The following WWOX variants were observed in gnomAD, a reference collection of about 807,000 sequenced individuals.
WWOX encodes WW domain-containing oxidoreductase.
WWOX carries 69 observed loss-of-function variants against 46.2 expected under a neutral mutation model. The observed-to-expected ratio is 1.49, with a 90% confidence interval of 1.23 to 1.82. The LOEUF is 1.82. Among genes scored for constraint, WWOX ranks in the 40% most tolerant of loss-of-function variants. The probability of loss-of-function intolerance (pLI) is 0.00; values close to 1 mark genes in which losing one functional copy is unlikely to be tolerated. For missense variants in WWOX, 919 were observed against 542.6 expected (o/e 1.69, Z -6.89); for synonymous variants, 359 against 202.6 (o/e 1.77, Z -6.56).
At chr16:78,722,627 A>C (rs1181260540) in intron 8 of WWOX, among the ~76,000 whole-genome samples, 2 of 151,750 alleles carry the variant, frequency 1.3e-5, no homozygotes, top group African/African-American at 4.8e-5. Flanking sequence ...GGTAGGTATA[A>C]TGGAAAGACT....
At chr16:78,817,159 C>T (rs74031956) in intron 8 of WWOX, among the ~76,000 whole-genome samples, 21,053 of 121,922 alleles carry the variant, frequency 0.17, 1,737 homozygotes, top group Non-Finnish European at 0.2. Flanking sequence ...TTTTCTTAAA[C>T]ATTAGTGCTA....
At chr16:79,092,230 C>T (rs926228167) in intron 8 of WWOX, among the ~76,000 whole-genome samples, 2 of 152,148 alleles carry the variant, frequency 1.3e-5, no homozygotes, top group South Asian at 2.1e-4. Flanking sequence ...GGATTCATTA[C>T]ATGTGTGTTT....
chr16:78,818,788 G>C (rs935659140), intron 8 of WWOX, among the ~76,000 whole-genome samples: 1 of 152,202 alleles, frequency 6.6e-6, no homozygotes, highest in African/African-American at 2.4e-5. Context: ...CGTCTTTTCT[G>C]AATTGGAGCC....
At chr16:78,129,344 A>G (rs1334295891) in intron 4 of WWOX, among the ~76,000 whole-genome samples, 1 of 152,156 alleles carries the variant, frequency 6.6e-6, no homozygotes, top group Non-Finnish European at 1.5e-5. Context: ...AGGTGTATTA[A>G]TGTCCTGTTG....
At chr16:78,210,380 A>G (rs2036522248) in intron 5 of WWOX, among the ~76,000 whole-genome samples, 1 of 152,192 alleles carries the variant, frequency 6.6e-6, no homozygotes, top group Admixed American at 6.5e-5. Flanking sequence ...GCTTTGGAGA[A>G]TGCAAACAGG....
chr16:78,515,993 C>T (rs2043227330), intron 8 of WWOX, among the ~76,000 whole-genome samples: 1 of 152,044 alleles, frequency 6.6e-6, no homozygotes, highest in African/African-American at 2.4e-5. Flanking sequence ...CCCCCCTTGT[C>T]CCCCTTTTCT....
chr16:78,488,818 G>A (rs76929363), intron 8 of WWOX, among the ~76,000 whole-genome samples: 1 of 152,192 alleles, frequency 6.6e-6, no homozygotes, highest in Non-Finnish European at 1.5e-5. Context: ...CATTATGGCA[G>A]ATCAGTGGGA....
chr16:79,024,626 G>A (rs1298146488), intron 8 of WWOX, among the ~76,000 whole-genome samples: 2 of 151,962 alleles, frequency 1.3e-5, no homozygotes, highest in Non-Finnish European at 2.9e-5. Context: ...TAGTAGAGAC[G>A]GGGTTTCACC....
At chr16:78,481,168 G>C (rs1156664784) in intron 8 of WWOX, among the ~76,000 whole-genome samples, 1 of 152,194 alleles carries the variant, frequency 6.6e-6, no homozygotes, top group Non-Finnish European at 1.5e-5. Context: ...CTAATAGAAT[G>C]ATCCAAGTTT....
intron 8 of WWOX, among the ~76,000 whole-genome samples, chr16:78,694,766 C>T (rs901423924): frequency 1.3e-5 from 2 of 152,124 alleles, no homozygotes; most frequent in African/African-American, 2.4e-5. Flanking sequence ...TCAACTATTA[C>T]AGCTTTTTGA....
intron 8 of WWOX, among the ~76,000 whole-genome samples, chr16:78,994,093 A>G (rs965991791): frequency 1.3e-5 from 2 of 152,150 alleles, no homozygotes; most frequent in South Asian, 2.1e-4. Flanking sequence ...TTTGCTTATT[A>G]TGATCAAGAA....
At chr16:79,050,256 G>C (rs1020729435) in intron 8 of WWOX, among the ~76,000 whole-genome samples, 1 of 152,160 alleles carries the variant, frequency 6.6e-6, no homozygotes, top group Non-Finnish European at 1.5e-5. Context: ...CTGTGGGTCA[G>C]CTTGTTTTGC....
intron 8 of WWOX, among the ~76,000 whole-genome samples, chr16:78,783,065 G>A (rs1018147359): frequency 2.0e-5 from 3 of 152,300 alleles, no homozygotes; most frequent in Non-Finnish European, 4.4e-5. Flanking sequence ...AATATGGAAA[G>A]CATCAGCAAT....
At chr16:78,153,195 G>C (rs943388079) in intron 4 of WWOX, among the ~76,000 whole-genome samples, 1 of 152,194 alleles carries the variant, frequency 6.6e-6, no homozygotes, top group Non-Finnish European at 1.5e-5. Flanking sequence ...TACAGAAACA[G>C]AGGTATGGAT....
rs75077058 is a variant in WWOX, at chr16:79,114,765, T to A, written c.1057-96843T>A. 8.1e-3 allele frequency among the ~76,000 whole-genome samples: 1,232 copies of A among 152,264 alleles called. 14 individuals are homozygous for A. Among genetic ancestry groups the A allele is most frequent in the African/African-American group, 0.028 (1,150 of 41,548 alleles). ...CAAGGGGAGCTAAAGATATACCCTT[T>A]AGCCAAGTAAACCAGCTGCCCCGAG... On this transcript the variant is annotated intron_variant, in intron 8 of 8. Transcript: ENST00000566780.
chr16:78,451,069 GT>G (rs1309248122), intron 8 of WWOX, among the ~76,000 whole-genome samples: 2 of 152,152 alleles, frequency 1.3e-5, no homozygotes, highest in Admixed American at 1.3e-4. Context: ...ACTTAAGCTT[GT>G]TTATTGCATC....
intron 8 of WWOX, among the ~76,000 whole-genome samples, chr16:78,488,869 G>T (rs974665889): frequency 3.3e-5 from 5 of 152,146 alleles, no homozygotes; most frequent in African/African-American, 1.2e-4. Context: ...GTTTCTCAGA[G>T]TAGGCTTTCA....
intron 8 of WWOX, among the ~76,000 whole-genome samples, chr16:78,710,368 G>T (rs560667955): frequency 1.3e-5 from 2 of 150,168 alleles, no homozygotes; most frequent in African/African-American, 2.5e-5. Flanking sequence ...TTCCCAGTGC[G>T]CACTAACCCT....
intron 8 of WWOX, among the ~76,000 whole-genome samples, chr16:79,086,213 C>T (rs867054416): frequency 2.6e-5 from 4 of 152,220 alleles, no homozygotes; most frequent in African/African-American, 2.4e-5. Context: ...ATATTACATG[C>T]TCAATAAATG....
Sources: gnomAD v4.1 joint callset for allele counts (sites outside exome capture counted in the v4.1 genomes callset) on GRCh38, gnomAD v4.1.1 for gene constraint, MANE v1.5 for transcripts, NCBI Gene and HGNC (gene_info 2026-07-23, HGNC 2026-07-21) for gene names.